CWF19L2: variants seen among roughly 807,000 people sequenced by gnomAD.
The protein encoded by CWF19L2 is CWF19 like cell cycle control factor 2, also known as CWF19-like protein 2.
Under a neutral mutation model 111.7 loss-of-function variants are expected in CWF19L2, and 98 were observed. The observed-to-expected ratio is 0.88, with a 90% confidence interval of 0.75 to 1.04. The LOEUF (loss-of-function observed/expected upper bound fraction) is 1.04, where lower values mean the gene tolerates loss of function less well. Ranked by LOEUF, CWF19L2 falls within the 50% of genes least tolerant of loss-of-function variation. The pLI is 0.00. For missense variants in CWF19L2, 1,101 were observed against 1,051.4 expected, an observed-to-expected ratio of 1.05 and a Z score of -0.65; for synonymous variants, 351 against 342.9, an observed-to-expected ratio of 1.02 and a Z score of -0.26.
At chr11:107,429,848 A>G (rs977558115) in intron 7 of CWF19L2, among the ~76,000 whole-genome samples, 14 of 150,958 alleles carry the variant, frequency 9.3e-5, no homozygotes, top group African/African-American at 3.2e-4. Flanking sequence ...AACAAGAAAG[A>G]CTTGGAAATA....
At chr11:107,335,397 C>T (rs562831018) in intron 15 of CWF19L2, among the ~76,000 whole-genome samples, 1 of 152,058 alleles carries the variant, frequency 6.6e-6, no homozygotes, top group East Asian at 1.9e-4. Flanking sequence ...TATTTCTGCT[C>T]ATATAATGAA....
chr11:107,428,614 A>C (rs75515971), intron 8 of CWF19L2, among the ~76,000 whole-genome samples, 185 bp downstream of exon 8: 1 of 151,558 alleles, frequency 6.6e-6, no homozygotes, highest in Non-Finnish European at 1.5e-5. Context: ...AAAAAAAAAA[A>C]CCTATGAAAT....
At chr11:107,422,377 G>A (rs552724623) in intron 8 of CWF19L2, among the ~76,000 whole-genome samples, 80 of 152,126 alleles carry the variant, frequency 5.3e-4, no homozygotes, top group African/African-American at 1.8e-3. Flanking sequence ...AATTCCAAGG[G>A]ACAACTGTAG....
At chr11:107,372,715 G>C (rs897951441) in intron 12 of CWF19L2, among the ~76,000 whole-genome samples, 4 of 135,650 alleles carry the variant, frequency 2.9e-5, no homozygotes, top group African/African-American at 1.2e-4. Context: ...TAGAAAACTA[G>C]TTAGAAGGCT....
chr11:107,356,312 C>A (rs1454507446), intron 12 of CWF19L2, among the ~76,000 whole-genome samples: 1 of 152,098 alleles, frequency 6.6e-6, no homozygotes, highest in African/African-American at 2.4e-5. Flanking sequence ...ATGATGCCAA[C>A]TGCCACCTTA....
intron 10 of CWF19L2, among the ~76,000 whole-genome samples, chr11:107,398,588 C>T (rs772567742): frequency 1.1e-4 from 17 of 152,186 alleles, no homozygotes; most frequent in African/African-American, 4.1e-4. Flanking sequence ...GAAGAGAATT[C>T]TAAAAGCCCG....
intron 10 of CWF19L2, among the ~76,000 whole-genome samples, chr11:107,396,681 A>T (rs1395716819): frequency 6.6e-6 from 1 of 152,176 alleles, no homozygotes; most frequent in African/African-American, 2.4e-5. Flanking sequence ...AGGCAAGACT[A>T]GATTGTAGCT....
At position 107,448,205 on chromosome 11, in the gene CWF19L2, C is replaced by T. The variant is rs182275463; in HGVS notation, c.340-5156G>A. Reference sequence around the variant, plus strand: ...CTAAAAATACAAACAATTAGCTGGACGTGGTGATGAGCACCTGTAATCCCA... The same window carrying T: ...CTAAAAATACAAACAATTAGCTGGATGTGGTGATGAGCACCTGTAATCCCA... On this transcript the variant is annotated intron_variant, in intron 3 of 17. Coordinates refer to ENST00000282251, the MANE Select transcript of CWF19L2 (RefSeq NM_152434.3). Among the ~76,000 whole-genome samples, 522 of 151,966 alleles carry T rather than the reference C, an allele frequency of 3.4e-3. 3 individuals are homozygous for T. Among genetic ancestry groups the T allele is most frequent in the African/African-American group, 0.012 (482 of 41,462 alleles).
At position 107,371,242 on chromosome 11, in the gene CWF19L2, A is replaced by T. The variant is rs553876732; in HGVS notation, c.1873-17506T>A. On this transcript the variant is annotated intron_variant, in intron 12 of 17. Coordinates refer to ENST00000282251, the MANE Select transcript of CWF19L2 (RefSeq NM_152434.3). ...ATGGTATCGACCTCCTGACCTCGTG[A>T]TCTGCCCGCCTCGGCCTCCCAAAGT... Among the ~76,000 whole-genome samples the T allele has an allele frequency of 1.5e-5, 2 of 136,836 alleles. 1 individual carries two copies. The highest frequency in any genetic ancestry group is 5.0e-4 in the South Asian group (2 of 4,024). 89.8% of individuals were successfully genotyped at this position (136,836 alleles called of 152,430 possible).
At chr11:107,410,995 G>A (rs1431661421) in intron 10 of CWF19L2, among the ~76,000 whole-genome samples, 3 of 151,866 alleles carry the variant, frequency 2.0e-5, no homozygotes, top group Admixed American at 1.3e-4. Context: ...TATTTGGTAG[G>A]GTCAGCAAAG....
intron 3 of CWF19L2, among the ~76,000 whole-genome samples, chr11:107,446,145 A>AT (rs1861699325): frequency 6.6e-6 from 1 of 152,178 alleles, no homozygotes; most frequent in Non-Finnish European, 1.5e-5. Context: ...CTATTCTGAG[A>AT]TTTTCTAATA....
chr11:107,345,155 T>G (rs577793403), intron 14 of CWF19L2, among the ~76,000 whole-genome samples: 19 of 152,362 alleles, frequency 1.2e-4, no homozygotes, highest in African/African-American at 4.6e-4. Context: ...AATTTGCTAT[T>G]ATGACAGCTT....
In CWF19L2 at chr11:107,433,816, T is replaced by C. The variant is rs1861499283; in HGVS notation, c.665-67A>G. 6.5e-6 allele frequency: 3 copies of C among 463,400 alleles called. No individual in the cohort carries two copies. The Admixed American group carries it at 1.4e-4, about 21-fold the overall frequency. 28.7% of individuals were successfully genotyped at this position (463,400 alleles called of 1,614,324 possible). ...TTATCATACAATTAATATGTATTGC[T>C]TCTATGACTTCTAAAATATAAAAAT... On this transcript the variant is annotated intron_variant, in intron 6 of 17. Transcript: ENST00000282251.
intron 6 of CWF19L2, among the ~76,000 whole-genome samples, chr11:107,434,175 T>TATATCTTTTTATAGTAG (rs1861508255): frequency 6.6e-6 from 1 of 150,856 alleles, no homozygotes; most frequent in Admixed American, 6.6e-5. Flanking sequence ...GGGAGGACAT[T>TATATCTTTTTATAGTAG]CCAAGAAATA....
chr11:107,414,374 A>T (rs1158358394), intron 10 of CWF19L2, among the ~76,000 whole-genome samples: 1 of 152,106 alleles, frequency 6.6e-6, no homozygotes, highest in Non-Finnish European at 1.5e-5. Context: ...ATTCATATAC[A>T]TCTAAATCTG....
At chr11:107,349,487 T>C (rs1416080844) in intron 13 of CWF19L2, among the ~76,000 whole-genome samples, 1 of 152,126 alleles carries the variant, frequency 6.6e-6, no homozygotes, top group East Asian at 1.9e-4. Context: ...GCCTTCCTTC[T>C]CTGATTAGCT....
chr11:107,397,930 T>A (rs1457592840), intron 10 of CWF19L2, among the ~76,000 whole-genome samples: 1 of 152,004 alleles, frequency 6.6e-6, no homozygotes, highest in Admixed American at 6.5e-5. Flanking sequence ...AACACTGCAG[T>A]CGGGTTCACA....
At chr11:107,343,408 T>G (rs1860033725) in intron 14 of CWF19L2, among the ~76,000 whole-genome samples, 1 of 152,162 alleles carries the variant, frequency 6.6e-6, no homozygotes, top group South Asian at 2.1e-4. Context: ...ACGTCTACTT[T>G]ATCTGGCATA....
chr11:107,421,602 C>T (rs899915131), intron 8 of CWF19L2, among the ~76,000 whole-genome samples: 2 of 152,084 alleles, frequency 1.3e-5, no homozygotes, highest in Middle Eastern at 3.4e-3. Context: ...GAGAGATGTT[C>T]GGCATCAGTA....
Sources: gnomAD v4.1 joint callset for allele counts (sites outside exome capture counted in the v4.1 genomes callset) on GRCh38, gnomAD v4.1.1 for gene constraint, MANE v1.5 for transcripts, NCBI Gene and HGNC (gene_info 2026-07-23, HGNC 2026-07-21) for gene names.